CLYBL: variants seen among roughly 807,000 people sequenced by gnomAD.
The protein encoded by CLYBL is citramalyl-CoA lyase, also known as citramalyl-CoA lyase, mitochondrial.
Under a neutral mutation model 38.9 loss-of-function variants are expected in CLYBL, and 31 were observed. The observed-to-expected ratio is 0.80, with a 90% CI of 0.60 to 1.08. CLYBL has a LOEUF of 1.08. CLYBL is among the 50% of genes least tolerant of loss of function. The pLI, the probability that CLYBL is intolerant of heterozygous loss-of-function variation, is 0.00. For missense variants in CLYBL, 434 were observed against 411.6 expected, an observed-to-expected ratio of 1.05 and a Z score of -0.47; for synonymous variants, 171 against 158.6, an observed-to-expected ratio of 1.08 and a Z score of -0.59.
intron 1 of CLYBL, 114 bp from the exon 2 acceptor site, chr13:99,772,710 T>TAAA (rs911339683): frequency 1.1e-6 from 1 of 923,210 alleles, no homozygotes; most frequent in South Asian, 1.8e-5. Flanking sequence ...AAAATAAAAA[T>TAAA]AAAAAAAGAT....
rs117624571 is a variant in CLYBL, at chr13:99,625,361, C to T, written c.62+18604C>T. 3.3e-4 allele frequency among the ~76,000 whole-genome samples: 50 copies of T among 152,292 alleles called. 1 individual carries two copies. In the East Asian group the frequency reaches 7.7e-3, roughly 23 times the overall value. ...GCAGGGATTAGCAGCGTTTAGGCTC[C>T]GCAGACATTTAATGTGCTAATTGAG... On this transcript the variant is annotated intron_variant, in intron 1 of 8. Transcript: ENST00000339105.
At chr13:99,737,579 G>A (rs967871322) in intron 1 of CLYBL, among the ~76,000 whole-genome samples, 4 of 152,156 alleles carry the variant, frequency 2.6e-5, no homozygotes, top group South Asian at 4.1e-4. Context: ...TGGAGCTGGC[G>A]AGTCTGGGGA....
chr13:99,828,246 G>A lies in CLYBL; in HGVS notation c.250-30615G>A, dbSNP rs1385390261. ...AGCCACAGTTTCAGCTAAGTCAGACGGGTGCACTCGAGACTCAATTAGCAA... is the reference window on the plus strand; with the variant it reads ...AGCCACAGTTTCAGCTAAGTCAGACAGGTGCACTCGAGACTCAATTAGCAA... On this transcript the variant is annotated intron_variant, in intron 2 of 8. Transcript: ENST00000339105. Among the ~76,000 whole-genome samples, 5 of 152,268 alleles carry A rather than the reference G, an allele frequency of 3.3e-5. No homozygotes were observed. The South Asian group carries it at 8.3e-4, about 25-fold the overall frequency.
chr13:99,900,018 CT>C (rs2052623662), downstream of CLYBL, among the ~76,000 whole-genome samples: 1 of 152,086 alleles, frequency 6.6e-6, no homozygotes, highest in Non-Finnish European at 1.5e-5. Context: ...CCTCTGCCTC[CT>C]GGGTTCAAGC....
intron 2 of CLYBL, among the ~76,000 whole-genome samples, chr13:99,816,570 T>A (rs2050452145): frequency 6.6e-6 from 1 of 152,182 alleles, no homozygotes; most frequent in Non-Finnish European, 1.5e-5. Flanking sequence ...AAGTGGGGCC[T>A]TTGAGGAGTG....
At chr13:99,749,854 A>C (rs2048922331) in intron 1 of CLYBL, among the ~76,000 whole-genome samples, 1 of 152,210 alleles carries the variant, frequency 6.6e-6, no homozygotes, top group East Asian at 1.9e-4. Context: ...TAACCAAAAA[A>C]AAATAGTTCT....
At chr13:99,725,331 T>C (rs966398672) in intron 1 of CLYBL, among the ~76,000 whole-genome samples, 1 of 152,142 alleles carries the variant, frequency 6.6e-6, no homozygotes, top group African/African-American at 2.4e-5. Context: ...ACTCAGAAGC[T>C]CACAGCTTGG....
chr13:99,694,933 A>AT (rs1314521116), intron 1 of CLYBL, among the ~76,000 whole-genome samples: 1 of 152,010 alleles, frequency 6.6e-6, no homozygotes, highest in Non-Finnish European at 1.5e-5. Context: ...TGGGGAAGTG[A>AT]TTTTTCTGCC....
At position 99,871,129 on chromosome 13, in the gene CLYBL, A is replaced by G. The variant is rs1227149318; in HGVS notation, c.927+67A>G. On this transcript the variant is annotated intron_variant, in intron 7 of 8. Transcript: ENST00000339105. ...AATATTGTCGGGAAGAATGAAACAA[A>G]TATGTTGTGTGAATGGTTTAAGAAA... is the stretch of plus-strand genomic sequence containing the variant. The G allele has an allele frequency of 3.8e-6, 6 of 1,569,548 alleles. No homozygotes were observed. In the African/African-American group the frequency reaches 4.1e-5, roughly 11 times the overall value.
rs201249358 is a variant in CLYBL at position 99,645,680 on chromosome 13, AT to A, written c.62+38933del. Among the ~76,000 whole-genome samples the A allele has an allele frequency of 5.9e-3, 885 of 150,000 alleles. 5 individuals are homozygous for A. Among genetic ancestry groups the A allele is most frequent in the African/African-American group, 0.019 (777 of 40,802 alleles). ...CCCAGTTTTTAAATTAGATTATTAA[AT>A]TTTTTTTTTCCTATTGAGTTGTTTG... On this transcript the variant is annotated intron_variant, in intron 1 of 8. Coordinates refer to ENST00000339105, the MANE Select transcript of CLYBL (RefSeq NM_206808.5).
chr13:99,903,202 T>C (rs913171730), intron 8 of CLYBL, among the ~76,000 whole-genome samples: 3 of 152,232 alleles, frequency 2.0e-5, no homozygotes, highest in African/African-American at 7.2e-5. Flanking sequence ...TCTGGAGACA[T>C]GGTCTTCAAT....
chr13:99,617,202 C>T (rs769093254), intron 1 of CLYBL, among the ~76,000 whole-genome samples: 2 of 152,174 alleles, frequency 1.3e-5, no homozygotes, highest in East Asian at 1.9e-4. Context: ...TTCATTGTCC[C>T]GTTGCTAGCC....
intron 2 of CLYBL, among the ~76,000 whole-genome samples, chr13:99,844,915 T>C (rs181748748): frequency 3.3e-5 from 5 of 152,356 alleles, no homozygotes; most frequent in Admixed American, 3.3e-4. Flanking sequence ...AGGTTTTAAA[T>C]TTCCGTACAA....
chr13:99,631,403 A>G (rs1419921928), intron 1 of CLYBL, among the ~76,000 whole-genome samples: 3 of 151,796 alleles, frequency 2.0e-5, no homozygotes, highest in Non-Finnish European at 2.9e-5. Context: ...AATATATAAT[A>G]TATACATATA....
intron 3 of CLYBL, among the ~76,000 whole-genome samples, chr13:99,861,525 T>G (rs775764316): frequency 2.6e-5 from 4 of 152,220 alleles, no homozygotes; most frequent in Non-Finnish European, 5.9e-5. Context: ...AAATAAATTA[T>G]ATTTTATTTT....
intron 7 of CLYBL, among the ~76,000 whole-genome samples, chr13:99,873,078 C>A (rs1267562064): frequency 1.3e-5 from 2 of 152,092 alleles, no homozygotes; most frequent in African/African-American, 4.8e-5. Flanking sequence ...GTAATTTCTT[C>A]CCTGCCCCAT....
intron 1 of CLYBL, among the ~76,000 whole-genome samples, chr13:99,681,474 C>G (rs1594116982): frequency 6.6e-6 from 1 of 151,858 alleles, no homozygotes; most frequent in African/African-American, 2.4e-5. Flanking sequence ...GAGAGAGAGA[C>G]CAAGAGAGAC....
At chr13:99,829,951 C>T (rs2050773061) in intron 2 of CLYBL, among the ~76,000 whole-genome samples, 1 of 152,092 alleles carries the variant, frequency 6.6e-6, no homozygotes, top group South Asian at 2.1e-4. Context: ...ACCAAGGGGG[C>T]CAGCATGTCA....
At chr13:99,663,259 G>A (rs146219148) in intron 1 of CLYBL, among the ~76,000 whole-genome samples, 1,599 of 152,310 alleles carry the variant, frequency 0.01, 32 homozygotes, top group Admixed American at 0.059. Context: ...ACAGGGCGCC[G>A]TTTGATACTA....
Sources: allele counts gnomAD v4.1 joint callset (sites outside exome capture counted in the v4.1 genomes callset), GRCh38; gene constraint gnomAD v4.1.1; transcripts MANE v1.5; gene names NCBI Gene and HGNC (gene_info 2026-07-23, HGNC 2026-07-21).